The following HIPK3 variants were observed in gnomAD, a reference collection of about 807,000 sequenced individuals.
HIPK3 encodes homeodomain-interacting protein kinase 3.
HIPK3 carries 47 observed loss-of-function variants against 124.2 expected under a neutral mutation model. The ratio of observed to expected loss-of-function variants is 0.38; its 90% CI spans 0.30 to 0.48. The LOEUF is 0.48. HIPK3 is among the 20% of genes least tolerant of loss of function. The pLI is 0.98. For synonymous variants in HIPK3, 482 were observed against 515.2 expected, an observed-to-expected ratio of 0.94 and a Z score of 0.87; for missense variants, 1,286 against 1,454.3, an observed-to-expected ratio of 0.88 and a Z score of 1.88.
rs1853799390 is a variant in HIPK3 at position 33,355,746 on chromosome 11, T to C, written c.*2178T>C. 6.6e-6 allele frequency: 1 copy of C among 152,020 alleles called. No individual in the cohort carries two copies. The highest frequency in any genetic ancestry group is 2.4e-5 in the African/African-American group (1 of 41,462). The allele number at this position is 152,020 out of a possible 1,614,324, so 9.4% of individuals were successfully genotyped here. ...AAAGTAAAAACCAGCAGTACATTTTTAGTCACACTGAAAATGAAGGACTTA... is the reference window on the plus strand; with the variant it reads ...AAAGTAAAAACCAGCAGTACATTTTCAGTCACACTGAAAATGAAGGACTTA... On this transcript the variant is annotated 3_prime_UTR_variant, in exon 17 of 17. Transcript: ENST00000303296.
intron 2 of HIPK3, among the ~76,000 whole-genome samples, chr11:33,295,281 C>G (rs1367692365): frequency 2.0e-5 from 3 of 149,160 alleles, no homozygotes; most frequent in African/African-American, 7.5e-5. Flanking sequence ...ACCACCGCCC[C>G]CCCCCCACAA....
At chr11:33,288,290 C>T (rs1851609775) in intron 2 of HIPK3, among the ~76,000 whole-genome samples, 1 of 151,994 alleles carries the variant, frequency 6.6e-6, no homozygotes. Context: ...CCCATCTCTA[C>T]TAAAAATAAC....
intron 2 of HIPK3, among the ~76,000 whole-genome samples, chr11:33,298,530 TAGTAATTCCTCTGATGCATCTGGGCAA>T (rs1851903584): frequency 6.6e-6 from 1 of 152,262 alleles, no homozygotes; most frequent in East Asian, 1.9e-4. Flanking sequence ...CTGCTATAGA[TAGTAATTCCTCTGATGCATCTGGGCAA>T]AGTAAATTGA....
At chr11:33,272,047 G>C (rs1851138932) in intron 1 of HIPK3, among the ~76,000 whole-genome samples, 1 of 152,222 alleles carries the variant, frequency 6.6e-6, no homozygotes, top group Non-Finnish European at 1.5e-5. Flanking sequence ...GTCACTTAAA[G>C]TTAATGATTA....
chr11:33,287,610 G>A (rs1480897129), intron 2 of HIPK3, 99 bp downstream of exon 2: 1 of 1,267,096 alleles, frequency 7.9e-7, no homozygotes, highest in African/African-American at 1.5e-5. Flanking sequence ...GACCACTTCA[G>A]TTAAATAAGG....
At chr11:33,352,394 G>A (rs1853689826) in intron 16 of HIPK3, 129 bp downstream of exon 16, 2 of 931,526 alleles carry the variant, frequency 2.1e-6, no homozygotes, top group African/African-American at 3.3e-5. Flanking sequence ...TATCCCAAGT[G>A]GCTAAAGAGT....
At chr11:33,278,881 T>G (rs1851339116) in intron 1 of HIPK3, among the ~76,000 whole-genome samples, 1 of 152,214 alleles carries the variant, frequency 6.6e-6, no homozygotes, top group Admixed American at 6.5e-5. Context: ...ATAGTAAATT[T>G]TATTTATTTT....
At chr11:33,348,144 A>G in intron 11 of HIPK3, 22 bp from the exon 12 acceptor site, 1 of 1,613,186 alleles carries the variant, frequency 6.2e-7, no homozygotes, top group Non-Finnish European at 8.5e-7. Flanking sequence ...ACACTAAGCC[A>G]GCTCCCTTCT....
intron 1 of HIPK3, among the ~76,000 whole-genome samples, chr11:33,265,087 C>T (rs1031699988): frequency 1.3e-5 from 2 of 152,184 alleles, no homozygotes; most frequent in Admixed American, 6.5e-5. Context: ...TAAATTAATA[C>T]TTCTGAAGGC....
rs1853795451 is a variant in HIPK3, at chr11:33,355,636, T to G, written c.*2068T>G. The G allele has an allele frequency of 1.3e-5, 2 of 151,976 alleles. No individual in the cohort carries two copies. Among genetic ancestry groups the G allele is most frequent in the Admixed American group, 6.6e-5 (1 of 15,258 alleles). The allele number at this position is 151,976 out of a possible 1,614,324, so 9.4% of individuals were successfully genotyped here. ...TAATGGATAAGTTTTCTTCACTCCA[T>G]TAACACAAGCAGTGTTTTATTTAAT... On this transcript the variant is annotated 3_prime_UTR_variant, in exon 17 of 17. Transcript: ENST00000303296.
intron 2 of HIPK3, among the ~76,000 whole-genome samples, chr11:33,302,094 A>G (rs1214204788): frequency 8.5e-5 from 13 of 152,180 alleles, no homozygotes; most frequent in Admixed American, 8.5e-4. Flanking sequence ...TAATCAATCT[A>G]GATATCTAAA....
intron 2 of HIPK3, among the ~76,000 whole-genome samples, chr11:33,312,816 T>C (rs1238852305): frequency 6.6e-6 from 1 of 152,192 alleles, no homozygotes; most frequent in Non-Finnish European, 1.5e-5. Flanking sequence ...GCCAAGTGCT[T>C]TACTTGGTTT....
chr11:33,262,975 T>C (rs1441585415), intron 1 of HIPK3, among the ~76,000 whole-genome samples: 1 of 152,166 alleles, frequency 6.6e-6, no homozygotes, highest in Non-Finnish European at 1.5e-5. Context: ...ATCGCCACCA[T>C]GTCTGCTAAC....
intron 8 of HIPK3, among the ~76,000 whole-genome samples, chr11:33,344,117 G>T (rs1383871008): frequency 2.0e-5 from 3 of 152,046 alleles, no homozygotes; most frequent in African/African-American, 7.2e-5. Flanking sequence ...TACCATATTT[G>T]CATTATCAAT....
intron 1 of HIPK3, chr11:33,258,186 CCGGGGCCCGGGGGCCT>C: frequency 1.6e-6 from 1 of 630,628 alleles, no homozygotes; most frequent in Non-Finnish European, 2.0e-6. Context: ...CCGCGCCTGG[CCGGGGCCCGGGGGCCT>C]CGGCCCCCCC....
intron 1 of HIPK3, among the ~76,000 whole-genome samples, chr11:33,279,385 G>A (rs563711652): frequency 1.4e-5 from 2 of 147,896 alleles, no homozygotes; most frequent in South Asian, 4.3e-4. Context: ...TGTAGTGTAT[G>A]TAAGTTTGGT....
intron 1 of HIPK3, among the ~76,000 whole-genome samples, chr11:33,286,090 C>T (rs778046688): frequency 6.6e-6 from 1 of 152,036 alleles, no homozygotes; most frequent in East Asian, 1.9e-4. Context: ...ATGTTGGCAC[C>T]GTTTCTAGGG....
At chr11:33,352,100 A>G (rs1395574819) in intron 15 of HIPK3, 38 bp from the exon 16 acceptor site, 1 of 1,582,498 alleles carries the variant, frequency 6.3e-7, no homozygotes. Context: ...TTTGAAAAGG[A>G]AAAAGCATAA....
At chr11:33,266,237 G>C (rs1850961284) in intron 1 of HIPK3, among the ~76,000 whole-genome samples, 1 of 151,720 alleles carries the variant, frequency 6.6e-6, no homozygotes, top group African/African-American at 2.4e-5. Context: ...TTGTATATGT[G>C]CACCTAAGTT....
Sources: gnomAD v4.1 joint callset for allele counts (sites outside exome capture counted in the v4.1 genomes callset) on GRCh38, gnomAD v4.1.1 for gene constraint, MANE v1.5 for transcripts, NCBI Gene and HGNC (gene_info 2026-07-23, HGNC 2026-07-21) for gene names.